Variants in GALNT13 observed in about 807,000 individuals in gnomAD.
The protein encoded by GALNT13 is polypeptide N-acetylgalactosaminyltransferase 13.
GALNT13 carries 28 observed loss-of-function variants against 64.2 expected under a neutral mutation model. The ratio of observed to expected loss-of-function variants is 0.44; its 90% CI spans 0.32 to 0.60. GALNT13 has a LOEUF of 0.60. Among genes scored for constraint, GALNT13 ranks in the 20% least tolerant of loss-of-function variants. GALNT13 has a pLI of 0.05. For missense variants in GALNT13, 577 were observed against 669.8 expected (o/e 0.86, Z 1.53); for synonymous variants, 214 against 224.6 (o/e 0.95, Z 0.42).
At chr2:153,147,770 A>G in the GALNT13 span, among the ~76,000 whole-genome samples, 42 of 151,906 alleles carry the variant, frequency 2.8e-4, no homozygotes, top group Middle Eastern at 3.4e-3. Flanking sequence ...TCCTTGAGTC[A>G]TCTTATAATG....
At chr2:153,713,538 A>G in the GALNT13 span, among the ~76,000 whole-genome samples, 3 of 152,150 alleles carry the variant, frequency 2.0e-5, no homozygotes, top group South Asian at 4.1e-4. Flanking sequence ...AGGCTGGTGC[A>G]GTGGCATAAT....
the GALNT13 span, among the ~76,000 whole-genome samples, chr2:153,069,120 GCTA>G: frequency 6.6e-6 from 1 of 152,284 alleles, no homozygotes; most frequent in Admixed American, 6.5e-5. Flanking sequence ...TTTGGGTGGT[GCTA>G]CCTCTTTGAC....
chr2:154,155,013 T>C lies in GALNT13; in HGVS notation c.311+14508T>C, dbSNP rs182835714. On this transcript the variant is annotated intron_variant, in intron 4 of 12. Coordinates refer to ENST00000392825, the MANE Select transcript of GALNT13 (RefSeq NM_052917.4). Reference sequence around the variant, plus strand: ...AGAAACACATAAATGCCACTTTTAATATGGATAGTAGAATTAATTTTGCAC... The same window carrying C: ...AGAAACACATAAATGCCACTTTTAACATGGATAGTAGAATTAATTTTGCAC... 7.8e-4 allele frequency among the ~76,000 whole-genome samples: 119 copies of C among 151,974 alleles called. 1 individual carries two copies. The highest frequency in any genetic ancestry group is 6.8e-3 in the Middle Eastern group (2 of 294).
At chr2:154,008,005 G>A (rs1268861055) in intron 3 of GALNT13, among the ~76,000 whole-genome samples, 1 of 151,852 alleles carries the variant, frequency 6.6e-6, no homozygotes, top group Admixed American at 6.6e-5. Context: ...TATTCTCATG[G>A]TTATCAAATT....
chr2:153,994,522 C>T (rs1169979500), intron 3 of GALNT13, among the ~76,000 whole-genome samples: 1 of 152,192 alleles, frequency 6.6e-6, no homozygotes. Context: ...AACTAGTTTA[C>T]AGTCCCACCA....
the GALNT13 span, among the ~76,000 whole-genome samples, chr2:153,637,745 G>T: frequency 6.6e-5 from 10 of 152,162 alleles, no homozygotes; most frequent in African/African-American, 1.9e-4. Context: ...TATGTGTGGA[G>T]TTTATAGTAG....
At chr2:154,356,164 T>C (rs1313063033) in intron 9 of GALNT13, among the ~76,000 whole-genome samples, 1 of 152,030 alleles carries the variant, frequency 6.6e-6, no homozygotes, top group South Asian at 2.1e-4. Flanking sequence ...TTGACAAAGT[T>C]ATCTACAGAT....
chr2:153,226,842 T>C, the GALNT13 span, among the ~76,000 whole-genome samples: 1 of 152,210 alleles, frequency 6.6e-6, no homozygotes, highest in Non-Finnish European at 1.5e-5. Context: ...CTCGGTTAAT[T>C]GTAACAAATG....
intron 1 of GALNT13, among the ~76,000 whole-genome samples, chr2:153,882,957 A>C (rs1046437225): frequency 6.6e-6 from 1 of 151,044 alleles, no homozygotes; most frequent in Non-Finnish European, 1.5e-5. Context: ...TAAAGAGACC[A>C]AGTTAAAGAA....
the GALNT13 span, among the ~76,000 whole-genome samples, chr2:153,142,863 C>G: frequency 6.6e-6 from 1 of 151,876 alleles, no homozygotes; most frequent in Non-Finnish European, 1.5e-5. Flanking sequence ...TAGAGGCCCA[C>G]TTAGAACTGG....
At chr2:153,126,294 TTGTATATATATATATATATATATATA>T in the GALNT13 span, among the ~76,000 whole-genome samples, 30 of 50,954 alleles carry the variant, frequency 5.9e-4, no homozygotes, top group African/African-American at 1.6e-3. Context: ...AGTATTGATT[TTGTATATATATATATATATATATATA>T]TATATATATA....
the GALNT13 span, among the ~76,000 whole-genome samples, chr2:153,824,578 T>C: frequency 6.6e-6 from 1 of 152,098 alleles, no homozygotes; most frequent in Non-Finnish European, 1.5e-5. Flanking sequence ...AGAGTAAACA[T>C]TGAGATGATG....
the GALNT13 span, among the ~76,000 whole-genome samples, chr2:153,660,401 C>A: frequency 2.0e-5 from 3 of 151,822 alleles, no homozygotes; most frequent in Admixed American, 2.0e-4. Context: ...TTGGAACTTA[C>A]GTGAAATATA....
rs183199240 is a variant in GALNT13, at chr2:153,994,169, G to A, written c.142+49530G>A. Among the ~76,000 whole-genome samples the A allele has an allele frequency of 1.7e-4, 26 of 152,138 alleles. No homozygotes were observed. The East Asian group carries it at 4.7e-3, about 27-fold the overall frequency. ...CTATGAGTGAGAACATGCAGTGTTT[G>A]GTTTTTTTGTCCTTGCGATAGTTTG... On this transcript the variant is annotated intron_variant, in intron 3 of 12. Coordinates refer to ENST00000392825, the MANE Select transcript of GALNT13 (RefSeq NM_052917.4).
At chr2:153,532,434 C>G in the GALNT13 span, among the ~76,000 whole-genome samples, 2 of 152,138 alleles carry the variant, frequency 1.3e-5, no homozygotes, top group Non-Finnish European at 2.9e-5. Flanking sequence ...TTCTCTCATA[C>G]GCCTCTGGAC....
At chr2:154,254,010 T>G (rs1336290490) in intron 7 of GALNT13, among the ~76,000 whole-genome samples, 1 of 151,938 alleles carries the variant, frequency 6.6e-6, no homozygotes. Flanking sequence ...TAGAAGAAGG[T>G]GGAAGGGGAA....
At chr2:153,354,562 AAC>A in the GALNT13 span, among the ~76,000 whole-genome samples, 1 of 152,228 alleles carries the variant, frequency 6.6e-6, no homozygotes, top group Admixed American at 6.5e-5. Flanking sequence ...GTATGTGGGA[AAC>A]TTTATAAGGG....
chr2:153,914,109 T>C (rs1413328871), intron 2 of GALNT13, among the ~76,000 whole-genome samples: 2 of 152,208 alleles, frequency 1.3e-5, no homozygotes, highest in Admixed American at 1.3e-4. Flanking sequence ...CTTAACACTT[T>C]CAAAATCTTA....
intron 3 of GALNT13, among the ~76,000 whole-genome samples, chr2:154,009,229 G>T (rs1696464048): frequency 6.8e-6 from 1 of 147,620 alleles, no homozygotes; most frequent in Non-Finnish European, 1.5e-5. Context: ...CTTTATTTCT[G>T]GGTTCTCTAT....
Sources: allele counts gnomAD v4.1 joint callset (sites outside exome capture counted in the v4.1 genomes callset), GRCh38; gene constraint gnomAD v4.1.1; transcripts MANE v1.5; gene names NCBI Gene and HGNC (gene_info 2026-07-23, HGNC 2026-07-21).